Variants in MGLL observed in about 807,000 individuals in gnomAD.
MGLL encodes the protein monoglyceride lipase.
A neutral mutation model predicts 29.1 loss-of-function variants in MGLL; 7 were observed. That is an observed-to-expected ratio of 0.24 (90% CI 0.14 to 0.45). The LOEUF is 0.45. Ranked by LOEUF, MGLL falls within the 20% of genes least tolerant of loss-of-function variation. The pLI, the probability that MGLL is intolerant of heterozygous loss-of-function variation, is 0.99. For synonymous variants in MGLL, 148 were observed against 168.3 expected (o/e 0.88, Z 0.93); for missense variants, 356 against 413.6 (o/e 0.86, Z 1.21).
chr3:127,764,791 C>T (rs370584262), intron 3 of MGLL, among the ~76,000 whole-genome samples: 4 of 152,084 alleles, frequency 2.6e-5, no homozygotes, highest in South Asian at 2.1e-4. Flanking sequence ...TTTCCTAAGG[C>T]GGAAAAGTAG....
At chr3:127,746,392 G>A (rs904325499) in intron 3 of MGLL, among the ~76,000 whole-genome samples, 2 of 152,078 alleles carry the variant, frequency 1.3e-5, no homozygotes, top group Non-Finnish European at 2.9e-5. Context: ...GATCCACCCT[G>A]CCTCAACTGC....
chr3:127,822,566 A>G, upstream of MGLL: 1 of 562,830 alleles, frequency 1.8e-6, no homozygotes, highest in East Asian at 3.0e-5. Flanking sequence ...ATTCTCCACT[A>G]CTAGTTCATG....
intron 6 of MGLL, among the ~76,000 whole-genome samples, chr3:127,707,426 C>T (rs2075625171): frequency 6.6e-6 from 1 of 152,256 alleles, no homozygotes; most frequent in South Asian, 2.1e-4. Flanking sequence ...GGAAGGGATT[C>T]ATCACATTCT....
At chr3:127,819,248 T>TG (rs2077815119) in intron 2 of MGLL, among the ~76,000 whole-genome samples, 1 of 152,206 alleles carries the variant, frequency 6.6e-6, no homozygotes, top group Non-Finnish European at 1.5e-5. Context: ...GCAGGTCCTC[T>TG]GGGGGCAATA....
intron 3 of MGLL, among the ~76,000 whole-genome samples, chr3:127,742,282 T>C (rs139399459): frequency 6.6e-6 from 1 of 152,232 alleles, no homozygotes; most frequent in African/African-American, 2.4e-5. Context: ...TAGTACTTGG[T>C]TTACAGACAA....
chr3:127,730,170 T>C (rs1190103800), intron 3 of MGLL, among the ~76,000 whole-genome samples: 1 of 152,212 alleles, frequency 6.6e-6, no homozygotes, highest in African/African-American at 2.4e-5. Context: ...TTGCATGTTA[T>C]ATCCCGGTAG....
rs1337225570 is a variant in MGLL at position 127,761,929 on chromosome 3, T to C, written c.262+19860A>G. 6.6e-6 allele frequency among the ~76,000 whole-genome samples: 1 copy of C among 152,112 alleles called. No homozygotes were observed. On this transcript the variant is annotated intron_variant, in intron 3 of 7. Transcript: ENST00000265052. The surrounding 1 kb of genome is among the most constrained non-coding windows in gnomAD (Gnocchi z 4.6). Reference sequence around the variant, plus strand: ...TTGGGTCCTCTGTTTGCTTTTTAATTTCTCCCTTTACCTCTAACAGGGGAG... The same window carrying C: ...TTGGGTCCTCTGTTTGCTTTTTAATCTCTCCCTTTACCTCTAACAGGGGAG...
Position 127,692,014 on chromosome 3 carries a change from C to T in MGLL, c.*184G>A, listed in dbSNP as rs562748780. The stretch of plus-strand genomic sequence containing the variant: ...AAAGTGTCTAACCATTAAGGTAGGT[C>T]CAGTGTCTGATAGTCTAATGTATAA... On this transcript the variant is annotated 3_prime_UTR_variant, in exon 8 of 8. Coordinates refer to ENST00000265052, the MANE Select transcript of MGLL (RefSeq NM_007283.7). 460 of 744,084 alleles carry T rather than the reference C, an allele frequency of 6.2e-4. 1 individual carries two copies. Among genetic ancestry groups the T allele is most frequent in the Non-Finnish European group, 2.3e-4 (109 of 469,154 alleles). The allele number at this position is 744,084 out of a possible 1,614,324, so 46.1% of individuals were successfully genotyped here.
chr3:127,760,583 G>A (rs116826244), intron 3 of MGLL, among the ~76,000 whole-genome samples: 1,957 of 152,330 alleles, frequency 0.013, 11 homozygotes, highest in Middle Eastern at 0.02. Flanking sequence ...GACAGACTGC[G>A]CGTCGCAAGC....
Position 127,796,013 on chromosome 3 carries a change from T to C in MGLL, c.156-14118A>G, listed in dbSNP as rs72973761. On this transcript the variant is annotated intron_variant, in intron 2 of 7. Coordinates refer to ENST00000265052, the MANE Select transcript of MGLL (RefSeq NM_007283.7). ...CTTTTGATTCCTTAACATCTTTCCA[T>C]GAACATCTTCCCATGGAAATAGCAT... Among the ~76,000 whole-genome samples, 208 of 152,346 alleles carry C rather than the reference T, an allele frequency of 1.4e-3. 1 individual carries two copies. The highest frequency in any genetic ancestry group is 4.9e-3 in the African/African-American group (203 of 41,574).
At chr3:127,791,352 C>G (rs2077297341) in intron 2 of MGLL, 1 of 152,264 alleles carries the variant, frequency 6.6e-6, no homozygotes, top group South Asian at 2.1e-4. Flanking sequence ...TGTCTTTGAG[C>G]CATCCTGCTT....
intron 3 of MGLL, among the ~76,000 whole-genome samples, chr3:127,743,436 A>C (rs1411745653): frequency 6.6e-6 from 1 of 152,134 alleles, no homozygotes; most frequent in Non-Finnish European, 1.5e-5. Flanking sequence ...TTATATACCA[A>C]AGTATAAGGA....
chr3:127,763,830 G>A (rs1381800178), intron 3 of MGLL, among the ~76,000 whole-genome samples: 1 of 152,168 alleles, frequency 6.6e-6, no homozygotes, highest in African/African-American at 2.4e-5. Context: ...AACTGCAGAT[G>A]GGTCTTGTCC....
At chr3:127,727,663 G>T (rs2076070480) in intron 3 of MGLL, among the ~76,000 whole-genome samples, 1 of 134,108 alleles carries the variant, frequency 7.5e-6, no homozygotes, top group African/African-American at 2.8e-5. Flanking sequence ...AGTGAGCCAT[G>T]ATCGTGCCAC....
rs531472965 is a variant in MGLL, at chr3:127,821,584, T to C, written c.155+110A>G. 1.3e-3 allele frequency: 1,593 copies of C among 1,187,292 alleles called. 5 individuals are homozygous for C. The highest frequency in any genetic ancestry group is 1.8e-3 in the Non-Finnish European group (1,472 of 802,858). 73.5% of individuals were successfully genotyped at this position (1,187,292 alleles called of 1,614,324 possible). ...CCTAACATTAAAACGGCAGGGGAAG[T>C]AGGTCATAGAGAAAGCGGCCCCGCC... On this transcript the variant is annotated intron_variant, in intron 2 of 7. Transcript: ENST00000265052.
intron 3 of MGLL, among the ~76,000 whole-genome samples, chr3:127,745,400 C>G (rs2076423441): frequency 6.6e-6 from 1 of 152,154 alleles, no homozygotes; most frequent in African/African-American, 2.4e-5. Context: ...TTTGCAACAA[C>G]ATGGATGGAC....
At chr3:127,787,739 A>C (rs1212642730) in intron 2 of MGLL, among the ~76,000 whole-genome samples, 1 of 152,212 alleles carries the variant, frequency 6.6e-6, no homozygotes. Flanking sequence ...GTTCTTGCTT[A>C]TTCCAGAGCA....
chr3:127,716,562 G>C (rs983211607), intron 5 of MGLL, among the ~76,000 whole-genome samples: 1 of 152,242 alleles, frequency 6.6e-6, no homozygotes, highest in Non-Finnish European at 1.5e-5. Flanking sequence ...TGAGCAAGAG[G>C]CTTGAGGGGC....
In MGLL at chr3:127,692,147, C is replaced by T. The variant is rs773786562; in HGVS notation, c.*51G>A. On this transcript the variant is annotated 3_prime_UTR_variant, in exon 8 of 8. Transcript: ENST00000265052. ...CCATATCTGAGAAGCCATCTCTGCCCTTCCCCTGCCTGCATCCCCCAGACC... is the reference window on the plus strand; with the variant it reads ...CCATATCTGAGAAGCCATCTCTGCCTTTCCCCTGCCTGCATCCCCCAGACC... The T allele has an allele frequency of 1.1e-5, 17 of 1,566,058 alleles. No individual in the cohort carries two copies. In the East Asian group the frequency reaches 3.4e-4, roughly 32 times the overall value.
Sources: allele counts gnomAD v4.1 joint callset (sites outside exome capture counted in the v4.1 genomes callset), GRCh38; gene constraint gnomAD v4.1.1; non-coding constraint Gnocchi (gnomAD v3.1); transcripts MANE v1.5; gene names NCBI Gene and HGNC (gene_info 2026-07-23, HGNC 2026-07-21).